Variants in MICAL2 observed in about 807,000 individuals in gnomAD.
MICAL2 encodes the protein [F-actin]-monooxygenase MICAL2.
MICAL2 carries 77 observed loss-of-function variants against 127.3 expected under a neutral mutation model. That is an observed-to-expected ratio of 0.60 (90% CI 0.50 to 0.73). The LOEUF is 0.73. MICAL2 is among the 30% of genes least tolerant of loss of function. The pLI, the probability that MICAL2 is intolerant of heterozygous loss-of-function variation, is 0.00. For missense variants in MICAL2, 1,351 were observed against 1,434.4 expected (o/e 0.94, Z 0.94); for synonymous variants, 570 against 551.1 (o/e 1.03, Z -0.48).
exon 30 of MICAL2, chr11:12,319,802 G>C (rs1226942068): frequency 1.2e-6 from 2 of 1,613,546 alleles, no homozygotes; most frequent in Non-Finnish European, 1.7e-6. Flanking sequence ...AGCTTTCCTT[G>C]CAGTTAAAGG....
At chr11:12,320,593 G>A (rs1216823873) in intron 30 of MICAL2, among the ~76,000 whole-genome samples, 1 of 152,156 alleles carries the variant, frequency 6.6e-6, no homozygotes, top group Non-Finnish European at 1.5e-5. Flanking sequence ...CGGGTAGAAA[G>A]AGAAGCAGTT....
chr11:12,344,472 CTATTATTATTATTATTATTATTAT>C (rs1555024327), intron 32 of MICAL2, among the ~76,000 whole-genome samples: 3 of 141,476 alleles, frequency 2.1e-5, no homozygotes, highest in African/African-American at 7.8e-5. Flanking sequence ...ATTCTAGAAA[CTATTATTATTATTATTATTATTAT>C]TATTATTATT....
chr11:12,299,983 C>T (rs369070183), intron 29 of MICAL2, among the ~76,000 whole-genome samples: 2 of 152,160 alleles, frequency 1.3e-5, no homozygotes, highest in Non-Finnish European at 2.9e-5. Context: ...TGCTCCCTAG[C>T]GTGCTTGCTG....
intron 1 of MICAL2, among the ~76,000 whole-genome samples, chr11:12,117,347 G>A (rs756501358): frequency 2.6e-5 from 4 of 152,238 alleles, no homozygotes; most frequent in African/African-American, 4.8e-5. Flanking sequence ...CACACAGCCT[G>A]GAAGCCCAGC....
chr11:12,356,987 T>C (rs1316820354), intron 34 of MICAL2, among the ~76,000 whole-genome samples: 5 of 152,352 alleles, frequency 3.3e-5, no homozygotes, highest in Admixed American at 2.0e-4. Context: ...CCTGTCCCCT[T>C]TGGGGCTTCT....
intron 34 of MICAL2, among the ~76,000 whole-genome samples, chr11:12,355,823 T>G (rs940220225): frequency 3.3e-5 from 5 of 152,206 alleles, no homozygotes; most frequent in Non-Finnish European, 5.9e-5. Context: ...GCAGACTGTT[T>G]CTTTATAGCA....
chr11:12,116,056 C>T (rs1284201171), intron 1 of MICAL2, among the ~76,000 whole-genome samples: 1 of 150,070 alleles, frequency 6.7e-6, no homozygotes, highest in Non-Finnish European at 1.5e-5. Flanking sequence ...TCTTGGCTCA[C>T]TGCAAGCTCT....
rs370562454 is a variant in MICAL2, at chr11:12,259,845, C to T, written c.3282C>T (p.Thr1094=). ...AAGCCCCTCGGAGAGACACTCCCAC[C>T]GAAAGTTCTTGCGCAGTGGCCGCCA... ...EQEAPRRDTP[T]ESSCAVAAIG... is the part of the protein sequence containing the mutation. The change falls in exon 26 of 28, where the codon ACC becomes ACT. Residue 1094 remains threonine (T), a synonymous_variant. Coordinates refer to ENST00000683283, the MANE Select transcript of MICAL2 (RefSeq NM_001282663.2). 2.8e-5 allele frequency: 44 copies of T among 1,599,904 alleles called. No individual in the cohort carries two copies. Among genetic ancestry groups the T allele is most frequent in the African/African-American group, 1.1e-4 (8 of 74,552 alleles).
chr11:12,128,714 C>T (rs1851151892), intron 1 of MICAL2, among the ~76,000 whole-genome samples: 1 of 152,230 alleles, frequency 6.6e-6, no homozygotes, highest in African/African-American at 2.4e-5. Flanking sequence ...GCCACCCTCT[C>T]AGAGTCTATC....
intron 16 of MICAL2, among the ~76,000 whole-genome samples, chr11:12,236,936 C>A (rs965910426): frequency 3.3e-5 from 5 of 152,190 alleles, no homozygotes; most frequent in African/African-American, 1.2e-4. Flanking sequence ...ACTGGCTGAC[C>A]TCAAAATGAT....
At chr11:12,117,568 G>A (rs945189895) in intron 1 of MICAL2, among the ~76,000 whole-genome samples, 1 of 152,208 alleles carries the variant, frequency 6.6e-6, no homozygotes, top group African/African-American at 2.4e-5. Context: ...AGGTGTAGGG[G>A]AGACTGAAGA....
intron 29 of MICAL2, among the ~76,000 whole-genome samples, chr11:12,309,846 T>C: frequency 6.6e-6 from 1 of 152,206 alleles, no homozygotes; most frequent in Non-Finnish European, 1.5e-5. Context: ...TTTTTGATTT[T>C]TTGGTCTTTT....
rs1301302347 is a variant in MICAL2, at chr11:12,241,052, T to A, written c.2227T>A (p.Ser743Thr). The A allele has an allele frequency of 1.2e-6, 2 of 1,613,934 alleles. No individual in the cohort carries two copies. The highest frequency in any genetic ancestry group is 1.7e-6 in the Non-Finnish European group (2 of 1,179,994). Residue 743 changes from serine to threonine, a missense_variant, in exon 18 of 28, where the codon TCA (serine) becomes ACA (threonine). Transcript: ENST00000683283. ...PSLMKQERRV[S>T]GIGKPVLCSS... ...TTTCTTCTCCCAGGAACGCCGTGTC[T>A]CAGGGATAGGTAAGCCGGTCCTGTG...
At position 12,252,406 on chromosome 11, in the gene MICAL2, C is replaced by T. The variant is rs961798136; in HGVS notation, c.2847+3160C>T. 2.0e-5 allele frequency: 3 copies of T among 152,288 alleles called. No individual in the cohort carries two copies. In the South Asian group the frequency reaches 6.2e-4, roughly 32 times the overall value. The allele number at this position is 152,288 out of a possible 1,614,324, so 9.4% of individuals were successfully genotyped here. On this transcript the variant is annotated intron_variant, in intron 22 of 27. Coordinates refer to ENST00000683283, the MANE Select transcript of MICAL2 (RefSeq NM_001282663.2). ...CAAGAAGTGGCAGGCTTGGTAAACT[C>T]TGATGAGGTCCCATCTGTCTAAGTT...
At chr11:12,315,297 G>A (rs1864219651) in intron 29 of MICAL2, among the ~76,000 whole-genome samples, 1 of 151,972 alleles carries the variant, frequency 6.6e-6, no homozygotes, top group African/African-American at 2.4e-5. Flanking sequence ...CCTTTCTTCT[G>A]TTCTAATATA....
At chr11:12,349,016 T>C (rs1939001346) in intron 32 of MICAL2, among the ~76,000 whole-genome samples, 1 of 152,220 alleles carries the variant, frequency 6.6e-6, no homozygotes, top group South Asian at 2.1e-4. Context: ...ACAAAGCTTC[T>C]GTCTGCCTTG....
chr11:12,157,874 T>C (rs946036365), intron 2 of MICAL2, among the ~76,000 whole-genome samples: 1 of 152,188 alleles, frequency 6.6e-6, no homozygotes, highest in Non-Finnish European at 1.5e-5. Context: ...CTGTATGTTT[T>C]CAGTTCATTA....
intron 31 of MICAL2, among the ~76,000 whole-genome samples, chr11:12,326,686 G>A (rs11022300): frequency 3.3e-5 from 5 of 152,154 alleles, no homozygotes; most frequent in South Asian, 2.1e-4. Context: ...ACGAAACCCC[G>A]GGATCTGGCC....
At chr11:12,210,636 G>A (rs1249107848) in intron 6 of MICAL2, among the ~76,000 whole-genome samples, 2 of 152,190 alleles carry the variant, frequency 1.3e-5, no homozygotes, top group East Asian at 3.8e-4. Flanking sequence ...ATGTAGTACT[G>A]TTGGAATTTT....
Sources: allele counts gnomAD v4.1 joint callset (sites outside exome capture counted in the v4.1 genomes callset), GRCh38; gene constraint gnomAD v4.1.1; transcripts MANE v1.5; gene names NCBI Gene and HGNC (gene_info 2026-07-23, HGNC 2026-07-21).